The following RPP38 variants were observed in gnomAD, a reference collection of about 807,000 sequenced individuals.
RPP38 encodes ribonuclease P/MRP subunit p38.
Under a neutral mutation model 1.7 loss-of-function variants are expected in RPP38, and 2 were observed. The ratio of observed to expected loss-of-function variants is 1.18; its 90% CI spans 0.48 to 3.70. RPP38 has a LOEUF of 3.70. Among genes scored for constraint, RPP38 ranks in the 30% most tolerant of loss-of-function variants. The probability of loss-of-function intolerance (pLI) is 0.07; values close to 1 mark genes in which losing one functional copy is unlikely to be tolerated. For missense variants in RPP38, 358 were observed against 340.1 expected (o/e 1.05, Z -0.41); for synonymous variants, 151 against 131.8 (o/e 1.15, Z -1.00).
At chr10:15,101,377 A>G (rs561562813) in intron 1 of RPP38, among the ~76,000 whole-genome samples, 46 of 152,334 alleles carry the variant, frequency 3.0e-4, no homozygotes, top group Non-Finnish European at 5.7e-4. Flanking sequence ...GCTGAGCCCC[A>G]GGAAGGAAGG....
At chr10:15,100,518 T>C (rs985322118) in intron 1 of RPP38, among the ~76,000 whole-genome samples, 1 of 151,938 alleles carries the variant, frequency 6.6e-6, no homozygotes, top group African/African-American at 2.4e-5. Flanking sequence ...GTGTGATCTC[T>C]CACCCTAAGG....
chr10:15,101,998 C>A (rs1017371437), intron 1 of RPP38, among the ~76,000 whole-genome samples: 2 of 151,996 alleles, frequency 1.3e-5, no homozygotes, highest in African/African-American at 4.8e-5. Flanking sequence ...CAAAAGTGGA[C>A]GTGACAGTGT....
chr10:15,104,209 C>T lies in RPP38; in HGVS notation c.*43C>T. The T allele has an allele frequency of 6.6e-7, 1 of 1,520,462 alleles. No homozygotes were observed. Among genetic ancestry groups the T allele is most frequent in the Non-Finnish European group, 8.8e-7 (1 of 1,137,164 alleles). The allele number at this position is 1,520,462 out of a possible 1,614,324, so 94.2% of individuals were successfully genotyped here. A position where few individuals can be genotyped will look rare whatever the true frequency, so the allele number is the denominator to read the frequency against. On this transcript the variant is annotated 3_prime_UTR_variant, in exon 3 of 3. Coordinates refer to ENST00000378197, the MANE Select transcript of RPP38 (RefSeq NM_183005.5). Reference sequence around the variant, plus strand: ...ATGTCATACAGTTTGTGAAAGGACACCTTGTAAAGAAGCCTTGAAACTAAT... The same window carrying T: ...ATGTCATACAGTTTGTGAAAGGACATCTTGTAAAGAAGCCTTGAAACTAAT...
chr10:15,099,289 G>C (rs2131418655), intron 1 of RPP38, among the ~76,000 whole-genome samples: 1 of 152,044 alleles, frequency 6.6e-6, no homozygotes, highest in South Asian at 2.1e-4. Flanking sequence ...GGAGAAAGAG[G>C]GCCTAAGTGG....
intron 1 of RPP38, among the ~76,000 whole-genome samples, chr10:15,098,715 G>T (rs1299877727): frequency 1.3e-5 from 2 of 150,684 alleles, no homozygotes; most frequent in Admixed American, 1.3e-4. Context: ...GTGAAACCCC[G>T]TCTCTACTAA....
In RPP38 at chr10:15,104,178, C is replaced by T. The variant is rs764041925; in HGVS notation, c.*12C>T. ...CTACTCCAAAGTAATCTTGCATAAA[C>T]TTGTCATGTCATACAGTTTGTGAAA... On this transcript the variant is annotated 3_prime_UTR_variant, in exon 3 of 3. Transcript: ENST00000378197. 5 of 1,553,088 alleles carry T rather than the reference C, an allele frequency of 3.2e-6. No individual in the cohort carries two copies. The highest frequency in any genetic ancestry group is 1.2e-5 in the South Asian group (1 of 80,880).
chr10:15,102,490 A>T (rs983248537), intron 2 of RPP38, 154 bp downstream of exon 2: 2 of 152,166 alleles, frequency 1.3e-5, no homozygotes, highest in Non-Finnish European at 2.9e-5. Flanking sequence ...CAGGCCTAGA[A>T]TATTTGTTGA....
chr10:15,100,828 C>A (rs1272164207), intron 1 of RPP38, among the ~76,000 whole-genome samples: 15 of 152,120 alleles, frequency 9.9e-5, no homozygotes, highest in African/African-American at 3.1e-4. Flanking sequence ...TACAGGCAGG[C>A]ACCACCATGC....
rs753210924 is a variant in RPP38 at position 15,103,592 on chromosome 10, A to C, written c.278A>C (p.Lys93Thr). ...GATATTAGTGAGAATCTGAAGGAGA[A>C]GAAAACAGATGCTAAGCAGCAAGTG... ...AVDISENLKE[K>T]KTDAKQQVSG... Residue 93 changes from lysine to threonine, a missense_variant, in exon 3 of 3, where the codon AAG (lysine) becomes ACG (threonine). Lys to Thr is a moderately conservative substitution (Grantham distance 78). Coordinates refer to ENST00000378197, the MANE Select transcript of RPP38 (RefSeq NM_183005.5). 3 of 1,614,198 alleles carry C rather than the reference A, an allele frequency of 1.9e-6. No individual in the cohort carries two copies. The South Asian group carries it at 3.3e-5, about 18-fold the overall frequency.
chr10:15,103,188 G>A (rs1055856995), intron 2 of RPP38, 117 bp from the exon 3 acceptor site: 8 of 986,800 alleles, frequency 8.1e-6, no homozygotes, highest in African/African-American at 3.3e-5. Context: ...GTGAAATTCT[G>A]TCTCAAAAAA....
intron 1 of RPP38, among the ~76,000 whole-genome samples, chr10:15,100,002 G>C (rs1441909119): frequency 1.3e-5 from 2 of 152,174 alleles, no homozygotes; most frequent in Non-Finnish European, 2.9e-5. Flanking sequence ...GGCCTCTTGA[G>C]ACAGCTCTAA....
chr10:15,102,705 A>G (rs963023622), intron 2 of RPP38: 2 of 149,348 alleles, frequency 1.3e-5, no homozygotes, highest in African/African-American at 4.9e-5. Flanking sequence ...AGACAAAGTC[A>G]TATAAAAAAA....
In RPP38 at chr10:15,103,759, C is replaced by T. The variant is rs767790323; in HGVS notation, c.445C>T (p.Gln149Ter). The T allele has an allele frequency of 3.7e-6, 6 of 1,613,852 alleles. No homozygotes were observed. Among genetic ancestry groups the T allele is most frequent in the African/African-American group, 1.3e-5 (1 of 74,914 alleles). Residue 149 changes from glutamine (Q) to a stop codon, truncating the protein, a stop_gained, in exon 3 of 3, where the codon CAG becomes TAG. Coordinates refer to ENST00000378197, the MANE Select transcript of RPP38 (RefSeq NM_183005.5). LOFTEE classifies it low-confidence loss of function (END_TRUNC). ...TGCCATGATCACCTCACACTTGATT[C>T]AGTTAAGCCTAAGCAGAAGTGTCCC... ...KPAMITSHLI[Q>*]LSLSRSVPAC...
chr10:15,098,314 T>C (rs1242412784), intron 1 of RPP38, among the ~76,000 whole-genome samples: 5 of 135,446 alleles, frequency 3.7e-5, no homozygotes, highest in Non-Finnish European at 6.1e-5. Context: ...AACCTCCGCC[T>C]GCCGGGTTCA....
At chr10:15,098,257 A>G (rs1353648653) in intron 1 of RPP38, among the ~76,000 whole-genome samples, 2 of 112,774 alleles carry the variant, frequency 1.8e-5, no homozygotes, top group African/African-American at 8.1e-5. Flanking sequence ...TTTGAGACAT[A>G]GCAGTCGCCC....
intron 1 of RPP38, among the ~76,000 whole-genome samples, chr10:15,098,642 CTT>C (rs1416463537): frequency 2.0e-5 from 3 of 151,156 alleles, no homozygotes; most frequent in African/African-American, 7.3e-5. Flanking sequence ...AGTCCCAGCA[CTT>C]TGGGAGGCCG....
intron 1 of RPP38, among the ~76,000 whole-genome samples, chr10:15,100,043 T>A (rs1331929691): frequency 1.3e-5 from 2 of 152,214 alleles, no homozygotes; most frequent in African/African-American, 4.8e-5. Flanking sequence ...TTTTTCTCTC[T>A]TTCTCTAAAG....
In RPP38 at chr10:15,104,181, G is replaced by T. The variant is rs774458431; in HGVS notation, c.*15G>T. On this transcript the variant is annotated 3_prime_UTR_variant, in exon 3 of 3. Transcript: ENST00000378197. Reference sequence around the variant, plus strand: ...CTCCAAAGTAATCTTGCATAAACTTGTCATGTCATACAGTTTGTGAAAGGA... The same window carrying T: ...CTCCAAAGTAATCTTGCATAAACTTTTCATGTCATACAGTTTGTGAAAGGA... 6 of 1,551,826 alleles carry T rather than the reference G, an allele frequency of 3.9e-6. No individual in the cohort carries two copies. In the African/African-American group the frequency reaches 6.9e-5, roughly 18 times the overall value.
In RPP38 at chr10:15,104,158, C is replaced by G. The variant is rs1316813821; in HGVS notation, c.844C>G (p.Pro282Ala). 6.4e-7 allele frequency: 1 copy of G among 1,564,598 alleles called. No homozygotes were observed. The highest frequency in any genetic ancestry group is 8.6e-7 in the Non-Finnish European group (1 of 1,162,422). ...RKPPKSKKAT[P>A]K ...ACCACCCAAAAGTAAAAAAGCTACT[C>G]CAAAGTAATCTTGCATAAACTTGTC... Residue 282 changes from proline (P) to alanine (A), a missense_variant, in exon 3 of 3, where the codon CCA becomes GCA. By Grantham distance (27) the Pro-to-Ala change is conservative. Transcript: ENST00000378197.
Sources: gnomAD v4.1 joint callset for allele counts (sites outside exome capture counted in the v4.1 genomes callset) on GRCh38, gnomAD v4.1.1 for gene constraint, MANE v1.5 for transcripts, NCBI Gene and HGNC (gene_info 2026-07-23, HGNC 2026-07-21) for gene names.